PPFIA2: variants seen among roughly 807,000 people sequenced by gnomAD.
The protein encoded by PPFIA2 is liprin-alpha-2.
In PPFIA2, 46 loss-of-function variants were observed where a neutral mutation model predicts 175.5. The observed-to-expected ratio is 0.26, with a 90% CI of 0.21 to 0.34. The LOEUF (loss-of-function observed/expected upper bound fraction) is 0.34. Ranked by LOEUF, PPFIA2 falls within the 10% of genes least tolerant of loss-of-function variation. PPFIA2 has a pLI of 1.00. For missense variants in PPFIA2, 1,179 were observed against 1,506.1 expected (o/e 0.78, Z 3.60); for synonymous variants, 568 against 511.4 (o/e 1.11, Z -1.49).
intron 22 of PPFIA2, chr12:81,312,066 G>T: frequency 2.5e-6 from 3 of 1,218,474 alleles, no homozygotes; most frequent in Non-Finnish European, 3.4e-6. Context: ...AGTGCAGCTT[G>T]TGTTACAACT....
At chr12:81,757,126 C>T (rs919862672) in intron 2 of PPFIA2, among the ~76,000 whole-genome samples, 18 of 151,992 alleles carry the variant, frequency 1.2e-4, no homozygotes, top group African/African-American at 4.1e-4. Flanking sequence ...CTTAAATGCA[C>T]ATTTTGCACA....
intron 21 of PPFIA2, among the ~76,000 whole-genome samples, chr12:81,332,456 G>T (rs1395486321): frequency 6.6e-6 from 1 of 152,022 alleles, no homozygotes; most frequent in African/African-American, 2.4e-5. Flanking sequence ...AAATACGTAG[G>T]AAGATTGCAC....
intron 7 of PPFIA2, among the ~76,000 whole-genome samples, chr12:81,420,177 A>C (rs1304098336): frequency 6.6e-6 from 1 of 152,184 alleles, no homozygotes; most frequent in Non-Finnish European, 1.5e-5. Flanking sequence ...ACCTTCCCAT[A>C]GGTGAGGTCT....
intron 24 of PPFIA2, among the ~76,000 whole-genome samples, chr12:81,286,552 C>T (rs2043469601): frequency 6.6e-6 from 1 of 151,972 alleles, no homozygotes; most frequent in African/African-American, 2.4e-5. Context: ...TAAGTTATAC[C>T]ACATAGCCTA....
intron 8 of PPFIA2, among the ~76,000 whole-genome samples, chr12:81,399,057 A>G (rs753480587): frequency 4.6e-5 from 7 of 152,000 alleles, no homozygotes; most frequent in African/African-American, 9.7e-5. Flanking sequence ...AAAAAATACA[A>G]TTAGATCAAC....
intron 4 of PPFIA2, among the ~76,000 whole-genome samples, chr12:81,631,160 T>A (rs933702963): frequency 6.6e-6 from 1 of 152,098 alleles, no homozygotes; most frequent in African/African-American, 2.4e-5. Context: ...TTTCCCAAAG[T>A]GCTGGAATTA....
At chr12:81,620,891 G>C (rs945252001) in intron 4 of PPFIA2, among the ~76,000 whole-genome samples, 4 of 152,110 alleles carry the variant, frequency 2.6e-5, no homozygotes, top group African/African-American at 9.7e-5. Context: ...AGACATTAAA[G>C]GGAAAAATAA....
Position 81,562,846 on chromosome 12 carries a change from CAAAAAAAAAAAA to C in PPFIA2, c.304-104992_304-104981del, listed in dbSNP as rs11475809. Among the ~76,000 whole-genome samples, 22 of 29,590 alleles carry C rather than the reference CAAAAAAAAAAAA, an allele frequency of 7.4e-4. No homozygotes were observed. In the South Asian group the frequency reaches 0.016, roughly 21 times the overall value. The allele number at this position is 29,590 out of a possible 152,430, so 19.4% of individuals were successfully genotyped here. On this transcript the variant is annotated intron_variant, in intron 4 of 32. Coordinates refer to ENST00000549396, the MANE Select transcript of PPFIA2 (RefSeq NM_003625.5). ...TGGGCGACAGAGCGAGACTCTGTCT[CAAAAAAAAAAAA>C]AAAAAAAAAAAAAAAAAGAGAGAGT...
chr12:81,721,222 G>C (rs1002773436), intron 3 of PPFIA2, among the ~76,000 whole-genome samples: 1 of 151,190 alleles, frequency 6.6e-6, no homozygotes, highest in Non-Finnish European at 1.5e-5. Flanking sequence ...AATCTTTCAT[G>C]TTGACCCCAG....
intron 4 of PPFIA2, among the ~76,000 whole-genome samples, chr12:81,469,071 G>T (rs2056269671): frequency 6.6e-6 from 1 of 152,166 alleles, no homozygotes; most frequent in Non-Finnish European, 1.5e-5. Context: ...ACACTAACAT[G>T]ACACGGTGTC....
chr12:81,587,621 A>T (rs1220865495), intron 4 of PPFIA2, among the ~76,000 whole-genome samples: 1 of 152,122 alleles, frequency 6.6e-6, no homozygotes. Context: ...TAGCAAAGTT[A>T]AATATGAACT....
chr12:81,751,134 T>C (rs1055472775), intron 3 of PPFIA2, among the ~76,000 whole-genome samples: 9 of 148,476 alleles, frequency 6.1e-5, no homozygotes, highest in African/African-American at 2.2e-4. Context: ...ACACTTTCTT[T>C]AAAAAAAAAA....
chr12:81,269,612 GC>G (rs2038475051), intron 28 of PPFIA2, among the ~76,000 whole-genome samples: 1 of 152,190 alleles, frequency 6.6e-6, no homozygotes, highest in African/African-American at 2.4e-5. Context: ...GTCCCCTCAT[GC>G]AACTTCTCAG....
At chr12:81,536,260 T>C (rs2065354691) in intron 4 of PPFIA2, among the ~76,000 whole-genome samples, 1 of 151,740 alleles carries the variant, frequency 6.6e-6, no homozygotes, top group South Asian at 2.1e-4. Context: ...CTGAACTACC[T>C]ACACAGTAAT....
At chr12:81,510,103 CA>C (rs2061611182) in intron 4 of PPFIA2, among the ~76,000 whole-genome samples, 1 of 151,880 alleles carries the variant, frequency 6.6e-6, no homozygotes, top group South Asian at 2.1e-4. Context: ...TTTCAGAATC[CA>C]AAAAATTAAT....
At chr12:81,756,566 A>C (rs564183777) in intron 2 of PPFIA2, among the ~76,000 whole-genome samples, 1 of 152,198 alleles carries the variant, frequency 6.6e-6, no homozygotes, top group Non-Finnish European at 1.5e-5. Flanking sequence ...ACTCAAAAGA[A>C]CTTGATTTGA....
At chr12:81,472,115 G>A (rs1247040806) in intron 4 of PPFIA2, among the ~76,000 whole-genome samples, 1 of 152,136 alleles carries the variant, frequency 6.6e-6, no homozygotes, top group Non-Finnish European at 1.5e-5. Context: ...CCATATTGTT[G>A]TATGATCCTC....
chr12:81,423,702 C>T (rs1461808959), intron 7 of PPFIA2, among the ~76,000 whole-genome samples: 1 of 152,100 alleles, frequency 6.6e-6, no homozygotes. Context: ...AGGATGCCCA[C>T]TTTTACTACT....
intron 24 of PPFIA2, among the ~76,000 whole-genome samples, chr12:81,290,477 C>T (rs1301682841): frequency 6.6e-6 from 1 of 151,700 alleles, no homozygotes; most frequent in Non-Finnish European, 1.5e-5. Flanking sequence ...AGCCTAGAGA[C>T]ACAACTTAAC....
Sources: allele counts gnomAD v4.1 joint callset (sites outside exome capture counted in the v4.1 genomes callset), GRCh38; gene constraint gnomAD v4.1.1; transcripts MANE v1.5; gene names NCBI Gene and HGNC (gene_info 2026-07-23, HGNC 2026-07-21).